The following ABLIM2 variants were observed in gnomAD, a reference collection of about 807,000 sequenced individuals.
The protein encoded by ABLIM2 is actin-binding LIM protein 2.
In ABLIM2, 53 loss-of-function variants were observed where a neutral mutation model predicts 97.7. The ratio of observed to expected loss-of-function variants is 0.54; its 90% confidence interval spans 0.44 to 0.68. ABLIM2 has a LOEUF of 0.68. Among genes scored for constraint, ABLIM2 ranks in the 30% least tolerant of loss-of-function variants. ABLIM2 has a pLI of 0.00. For missense variants in ABLIM2, 835 were observed against 867.2 expected, an observed-to-expected ratio of 0.96 and a Z score of 0.47; for synonymous variants, 361 against 345.8, an observed-to-expected ratio of 1.04 and a Z score of -0.49.
intron 4 of ABLIM2, among the ~76,000 whole-genome samples, chr4:8,086,209 C>T (rs1823486740): frequency 6.7e-6 from 1 of 149,592 alleles, no homozygotes; most frequent in Non-Finnish European, 1.5e-5. Context: ...TTTGAAAATG[C>T]AAATTTGATA....
intron 12 of ABLIM2, 118 bp from the exon 13 acceptor site, chr4:8,020,421 G>C: frequency 1.1e-6 from 1 of 910,986 alleles, no homozygotes; most frequent in Non-Finnish European, 1.7e-6. Flanking sequence ...TGGTGGAGCA[G>C]CCCAGATCCC....
rs1267363182 is a variant in ABLIM2 at position 8,044,690 on chromosome 4, T to A, written c.900+474A>T. The stretch of plus-strand genomic sequence containing the variant: ...CAGAGTCTCTCTCTCTCTCTCTCTC[T>A]CGAACGAACGAAAACGGGATCACAT... On this transcript the variant is annotated intron_variant, in intron 9 of 20. Transcript: ENST00000447017. The surrounding 1 kb of genome is among the most constrained non-coding windows in gnomAD (Gnocchi z 4.4). 2.8e-4 allele frequency among the ~76,000 whole-genome samples: 22 copies of A among 78,086 alleles called. No individual in the cohort carries two copies. The highest frequency in any genetic ancestry group is 2.5e-3 in the East Asian group (7 of 2,786). The allele number at this position is 78,086 out of a possible 152,430, so 51.2% of individuals were successfully genotyped here.
At chr4:8,088,515 G>C (rs2152518328) in intron 3 of ABLIM2, among the ~76,000 whole-genome samples, 1 of 152,342 alleles carries the variant, frequency 6.6e-6, no homozygotes, top group East Asian at 1.9e-4. Flanking sequence ...TGTACCAACA[G>C]GCAGAATCAT....
chr4:8,070,957 A>G (rs9991680), intron 6 of ABLIM2, among the ~76,000 whole-genome samples: 84,675 of 152,026 alleles, frequency 0.56, 24,558 homozygotes, highest in East Asian at 0.74. Flanking sequence ...GTGGGGCTGG[A>G]AACAGGCACC....
rs191629150 is a variant in ABLIM2, at chr4:8,003,278, C to G, written c.1618+4781G>C. ...AAACATGCTCAGAAACCTGCATTAG[C>G]CTTCGGCCAGGCAGAGTCATCTAGC... is the stretch of plus-strand genomic sequence containing the variant. On this transcript the variant is annotated intron_variant, in intron 16 of 20. Transcript: ENST00000447017. The surrounding 1 kb of genome is among the most constrained non-coding windows in gnomAD (Gnocchi z 4.2). Among the ~76,000 whole-genome samples the G allele has an allele frequency of 1.3e-5, 2 of 152,252 alleles. No homozygotes were observed. Among genetic ancestry groups the G allele is most frequent in the Admixed American group, 1.3e-4 (2 of 15,286 alleles).
intron 16 of ABLIM2, chr4:8,007,326 C>T: frequency 1.0e-6 from 1 of 985,448 alleles, no homozygotes; most frequent in Non-Finnish European, 1.2e-6. Flanking sequence ...AAAGCCAGGT[C>T]TTTCTTCTGC....
chr4:8,044,668 AG>A lies in ABLIM2; in HGVS notation c.900+495del, dbSNP rs1791048617. Among the ~76,000 whole-genome samples, 1 of 48,960 alleles carries A rather than the reference AG, an allele frequency of 2.0e-5. No individual in the cohort carries two copies. Among genetic ancestry groups the A allele is most frequent in the African/African-American group, 4.9e-5 (1 of 20,406 alleles). 32.1% of individuals were successfully genotyped at this position (48,960 alleles called of 152,430 possible). A position where few individuals can be genotyped will look rare whatever the true frequency, so the allele number is the denominator to read the frequency against. ...CACACACACACACACACACACACAG[AG>A]TCTCTCTCTCTCTCTCTCTCTCGAA... On this transcript the variant is annotated intron_variant, in intron 9 of 20. Transcript: ENST00000447017. The surrounding 1 kb of genome is among the most constrained non-coding windows in gnomAD (Gnocchi z 4.4).
chr4:8,110,951 C>T (rs1025711429), intron 1 of ABLIM2, among the ~76,000 whole-genome samples: 9 of 152,222 alleles, frequency 5.9e-5, no homozygotes. Flanking sequence ...TCATTCCTCA[C>T]CTGGCTGCAG....
chr4:8,137,420 G>A (rs1443956826), intron 1 of ABLIM2, among the ~76,000 whole-genome samples: 1 of 152,198 alleles, frequency 6.6e-6, no homozygotes, highest in East Asian at 1.9e-4. Context: ...AGTGGCCACA[G>A]ACATCGTGCC....
At position 8,071,698 on chromosome 4, in the gene ABLIM2, C is replaced by T. The variant is rs1812262387; in HGVS notation, c.675+5930G>A. ...TGACTGCTCTGTCCCCAAAAACCCA[C>T]CCACCCGCAGCCCCTCCTGGCCCCT... is the stretch of plus-strand genomic sequence containing the variant. On this transcript the variant is annotated intron_variant, in intron 6 of 20. Coordinates refer to ENST00000447017, the MANE Select transcript of ABLIM2 (RefSeq NM_001130083.2). This position sits in a 1 kb window ranked among gnomAD's most constrained non-coding sequence, Gnocchi z 6.2. The T allele has an allele frequency of 6.4e-6, 5 of 781,222 alleles. No homozygotes were observed. The highest frequency in any genetic ancestry group is 7.8e-6 in the Non-Finnish European group (5 of 643,864). The allele number at this position is 781,222 out of a possible 1,614,324, so 48.4% of individuals were successfully genotyped here.
rs1003170877 is a variant in ABLIM2 at position 8,147,606 on chromosome 4, G to C, written c.10+11074C>G. On this transcript the variant is annotated intron_variant, in intron 1 of 20. Transcript: ENST00000447017. This position sits in a 1 kb window ranked among gnomAD's most constrained non-coding sequence, Gnocchi z 5.3. ...GAAGTAGCATGAAGATGGAGCTGAG[G>C]GAGGTTTGAAGACTCTGCCTTGAAG... Among the ~76,000 whole-genome samples the C allele has an allele frequency of 6.6e-6, 1 of 152,112 alleles. No individual in the cohort carries two copies. Among genetic ancestry groups the C allele is most frequent in the African/African-American group, 2.4e-5 (1 of 41,404 alleles).
intron 1 of ABLIM2, among the ~76,000 whole-genome samples, chr4:8,110,907 G>T (rs1037583747): frequency 1.3e-5 from 2 of 152,242 alleles, no homozygotes; most frequent in Admixed American, 1.3e-4. Context: ...AACACAGGTA[G>T]GTAAGTGGGT....
In ABLIM2 at chr4:8,122,209, G is replaced by A. The variant is rs767416241; in HGVS notation, c.11-15572C>T. Among the ~76,000 whole-genome samples the A allele has an allele frequency of 6.6e-6, 1 of 152,156 alleles. No homozygotes were observed. Among genetic ancestry groups the A allele is most frequent in the African/African-American group, 2.4e-5 (1 of 41,440 alleles). ...GGAGACACCACACCAGCCTGGATGG[G>A]GAGTCTCGCTGCCCCCTGTGCATCT... On this transcript the variant is annotated intron_variant, in intron 1 of 20. Transcript: ENST00000447017. The surrounding 1 kb of genome is among the most constrained non-coding windows in gnomAD (Gnocchi z 4.1).
At chr4:8,000,581 GC>G (rs937268809) in intron 16 of ABLIM2, among the ~76,000 whole-genome samples, 3 of 152,222 alleles carry the variant, frequency 2.0e-5, no homozygotes, top group Admixed American at 6.5e-5. Flanking sequence ...ACTCTCTGGG[GC>G]CCCCTCAGGT....
chr4:8,077,054 T>TG (rs994502445), intron 6 of ABLIM2, among the ~76,000 whole-genome samples: 1 of 70,966 alleles, frequency 1.4e-5, no homozygotes, highest in African/African-American at 5.7e-5. Flanking sequence ...GGATGGGGGT[T>TG]GGGGGTCTGT....
rs1359405901 is a variant in ABLIM2 at position 8,072,539 on chromosome 4, T to C, written c.675+5089A>G. ...ACTGCACCCAAGATACACCCCACTT[T>C]AGGCCACCAGATGTTCCAACGTGGC... is the stretch of plus-strand genomic sequence containing the variant. On this transcript the variant is annotated intron_variant, in intron 6 of 20. Transcript: ENST00000447017. This position sits in a 1 kb window ranked among gnomAD's most constrained non-coding sequence, Gnocchi z 5.8. 1.3e-5 allele frequency among the ~76,000 whole-genome samples: 2 copies of C among 152,250 alleles called. No individual in the cohort carries two copies. Among genetic ancestry groups the C allele is most frequent in the African/African-American group, 4.8e-5 (2 of 41,470 alleles).
rs199626550 is a variant in ABLIM2, at chr4:8,029,813, G to A, written c.1048-37C>T. The A allele has an allele frequency of 5.0e-5, 77 of 1,552,184 alleles. No individual in the cohort carries two copies. The East Asian group carries it at 7.5e-4, about 15-fold the overall frequency. On this transcript the variant is annotated intron_variant, in intron 10 of 20. Transcript: ENST00000447017. ...GATGCAGCTTGTGAACACTGGAGCC[G>A]GGAGCACTTCCCACCCCTTGTCCAC...
At chr4:8,016,279 C>A (rs1350953349) in intron 14 of ABLIM2, among the ~76,000 whole-genome samples, 2 of 152,114 alleles carry the variant, frequency 1.3e-5, no homozygotes, top group African/African-American at 4.8e-5. Flanking sequence ...CCTGACCTCA[C>A]GTGATCCACC....
Position 8,080,833 on chromosome 4 carries a change from CCCA to C in ABLIM2, c.455-34_455-32del, listed in dbSNP as rs758358862. ...AGAAAGAGAAGAGAACACAGACACC[CCCA>C]CCATTGTGAGAGGTGTTGGGGAGGC... On this transcript the variant is annotated intron_variant, in intron 4 of 20. Transcript: ENST00000447017. 1.9e-6 allele frequency: 3 copies of C among 1,580,734 alleles called. No homozygotes were observed. The South Asian group carries it at 3.4e-5, about 18-fold the overall frequency.
Sources: gnomAD v4.1 joint callset for allele counts (sites outside exome capture counted in the v4.1 genomes callset) on GRCh38, gnomAD v4.1.1 for gene constraint, Gnocchi (gnomAD v3.1) non-coding constraint, MANE v1.5 for transcripts, NCBI Gene and HGNC (gene_info 2026-07-23, HGNC 2026-07-21) for gene names.